The following SGCZ variants were observed in gnomAD, a reference collection of about 807,000 sequenced individuals.
SGCZ encodes the protein zeta-sarcoglycan.
SGCZ carries 40 observed loss-of-function variants against 41.3 expected under a neutral mutation model. That is an observed-to-expected ratio of 0.97 (90% CI 0.75 to 1.26). The LOEUF (loss-of-function observed/expected upper bound fraction) is 1.26, where lower values mean the gene tolerates loss of function less well. SGCZ is among the 50% of genes most tolerant of loss of function. The probability of loss-of-function intolerance (pLI) is 0.00; values close to 1 mark genes in which losing one functional copy is unlikely to be tolerated. For missense variants in SGCZ, 552 were observed against 369.8 expected (o/e 1.49, Z -4.04); for synonymous variants, 206 against 137.5 (o/e 1.50, Z -3.49).
chr8:14,408,175 T>C (rs1799262894), intron 2 of SGCZ, among the ~76,000 whole-genome samples: 1 of 152,140 alleles, frequency 6.6e-6, no homozygotes, highest in South Asian at 2.1e-4. Context: ...TTAGACATTA[T>C]GGAAAGAAGG....
chr8:15,115,309 C>T (rs1993315), intron 1 of SGCZ, among the ~76,000 whole-genome samples: 108,073 of 151,912 alleles, frequency 0.71, 41,004 homozygotes, highest in Non-Finnish European at 0.85. Context: ...TGACTTCTGG[C>T]ACATGTAATT....
At chr8:14,436,075 T>C (rs6997258) in intron 2 of SGCZ, among the ~76,000 whole-genome samples, 3,150 of 152,216 alleles carry the variant, frequency 0.021, 98 homozygotes, top group African/African-American at 0.071. Flanking sequence ...AGATGTGGCG[T>C]TGGATAGAGA....
chr8:15,018,623 G>A (rs752041478), intron 1 of SGCZ, among the ~76,000 whole-genome samples: 2 of 152,144 alleles, frequency 1.3e-5, no homozygotes, highest in Non-Finnish European at 2.9e-5. Flanking sequence ...TAGAGGGCTG[G>A]AATGCAGGGA....
chr8:14,781,908 G>C (rs1485495558), intron 1 of SGCZ, among the ~76,000 whole-genome samples: 1 of 152,118 alleles, frequency 6.6e-6, no homozygotes, highest in Non-Finnish European at 1.5e-5. Flanking sequence ...GTGAAAAACA[G>C]AATAGTTGTA....
In SGCZ at chr8:14,347,215, A is replaced by C. The variant is rs1256779331; in HGVS notation, c.235-23011T>G. ...CTAACATTTGATAGAGCCTGGCATC[A>C]GAAAGACTTCATATTGAGCTAATAC... On this transcript the variant is annotated intron_variant, in intron 2 of 7. Coordinates refer to ENST00000382080, the MANE Select transcript of SGCZ (RefSeq NM_139167.4). Among the ~76,000 whole-genome samples the C allele has an allele frequency of 7.9e-5, 12 of 152,130 alleles. No individual in the cohort carries two copies. In the East Asian group the frequency reaches 2.1e-3, roughly 27 times the overall value.
chr8:14,378,310 T>A (rs1243503875), intron 2 of SGCZ, among the ~76,000 whole-genome samples: 5 of 152,318 alleles, frequency 3.3e-5, no homozygotes, highest in East Asian at 1.9e-4. Flanking sequence ...ATGTGTTTTT[T>A]GGCTGCATAA....
intron 1 of SGCZ, among the ~76,000 whole-genome samples, chr8:14,836,811 T>A (rs182419900): frequency 8.6e-4 from 131 of 152,250 alleles, no homozygotes; most frequent in African/African-American, 2.9e-3. Flanking sequence ...CATAATTATT[T>A]TTCTCTTAAT....
chr8:14,102,106 T>TATATAA (rs1491151875), intron 7 of SGCZ, among the ~76,000 whole-genome samples: 85 of 36,638 alleles, frequency 2.3e-3, no homozygotes, highest in African/African-American at 0.011. Flanking sequence ...ATATATATAA[T>TATATAA]TTTTTTTTTT....
intron 1 of SGCZ, among the ~76,000 whole-genome samples, chr8:15,067,767 G>C (rs1563482177): frequency 6.6e-6 from 1 of 151,942 alleles, no homozygotes; most frequent in African/African-American, 2.4e-5. Context: ...GCCATGCACT[G>C]TGCAAGATAC....
chr8:15,097,237 T>C (rs978827974), intron 1 of SGCZ, among the ~76,000 whole-genome samples: 3 of 152,208 alleles, frequency 2.0e-5, no homozygotes, highest in Non-Finnish European at 4.4e-5. Flanking sequence ...ATTACTCTAA[T>C]GCACATACTT....
chr8:14,696,567 T>G (rs1808970063), intron 1 of SGCZ, among the ~76,000 whole-genome samples: 1 of 152,146 alleles, frequency 6.6e-6, no homozygotes, highest in African/African-American at 2.4e-5. Context: ...CTAAAAATAC[T>G]TATTTCTAAC....
intron 2 of SGCZ, among the ~76,000 whole-genome samples, chr8:14,502,508 T>G (rs1802182868): frequency 6.6e-6 from 1 of 152,116 alleles, no homozygotes; most frequent in African/African-American, 2.4e-5. Context: ...CAATGACACT[T>G]TTAAAGTATA....
chr8:14,234,470 T>C (rs1806684721), intron 4 of SGCZ, among the ~76,000 whole-genome samples: 1 of 152,062 alleles, frequency 6.6e-6, no homozygotes, highest in Non-Finnish European at 1.5e-5. Context: ...ACTCAAATTG[T>C]TATGTTTTTA....
intron 2 of SGCZ, among the ~76,000 whole-genome samples, chr8:14,393,797 A>T (rs1479958196): frequency 6.6e-6 from 1 of 152,144 alleles, no homozygotes; most frequent in Admixed American, 6.6e-5. Flanking sequence ...TTATAAACAA[A>T]AGCAAATAAT....
intron 1 of SGCZ, among the ~76,000 whole-genome samples, chr8:14,708,271 T>C (rs145641252): frequency 4.6e-5 from 7 of 152,192 alleles, no homozygotes; most frequent in African/African-American, 1.4e-4. Flanking sequence ...ACGTTAGGTA[T>C]GCAGTTGTGC....
intron 1 of SGCZ, among the ~76,000 whole-genome samples, chr8:14,938,531 A>G (rs757700660): frequency 2.6e-5 from 4 of 152,206 alleles, no homozygotes; most frequent in Non-Finnish European, 5.9e-5. Flanking sequence ...TATTATAAGA[A>G]CACAGTATAT....
At chr8:14,094,471 C>G (rs1008822089) in intron 7 of SGCZ, among the ~76,000 whole-genome samples, 4 of 151,942 alleles carry the variant, frequency 2.6e-5, no homozygotes, top group African/African-American at 9.7e-5. Context: ...TGAACTCATC[C>G]TTTTTATGAC....
chr8:14,966,590 A>G (rs938626225), intron 1 of SGCZ, among the ~76,000 whole-genome samples: 6 of 152,102 alleles, frequency 3.9e-5, no homozygotes, highest in Non-Finnish European at 7.4e-5. Flanking sequence ...TACTAATGCC[A>G]TATTTACTAA....
At chr8:14,161,209 G>T (rs996884647) in intron 5 of SGCZ, 24 of 152,284 alleles carry the variant, frequency 1.6e-4, no homozygotes, top group African/African-American at 5.1e-4. Flanking sequence ...CTCTAAATCT[G>T]CATGCTATGC....
Sources: allele counts gnomAD v4.1 joint callset (sites outside exome capture counted in the v4.1 genomes callset), GRCh38; gene constraint gnomAD v4.1.1; transcripts MANE v1.5; gene names NCBI Gene and HGNC (gene_info 2026-07-23, HGNC 2026-07-21).